The following ICOS variants were observed in gnomAD, a reference collection of about 807,000 sequenced individuals.
The protein encoded by ICOS is inducible T-cell costimulator.
A neutral mutation model predicts 24.6 loss-of-function variants in ICOS; 15 were observed. The ratio of observed to expected loss-of-function variants is 0.61; its 90% CI spans 0.41 to 0.94. The LOEUF (loss-of-function observed/expected upper bound fraction) is 0.94, where lower values mean the gene tolerates loss of function less well. ICOS is among the 40% of genes least tolerant of loss of function. The pLI, the probability that ICOS is intolerant of heterozygous loss-of-function variation, is 0.00. For synonymous variants in ICOS, 89 were observed against 77.5 expected (o/e 1.15, Z -0.78); for missense variants, 200 against 233.0 (o/e 0.86, Z 0.92).
At chr2:203,945,979 A>C (rs1689860619) in intron 1 of ICOS, among the ~76,000 whole-genome samples, 1 of 152,180 alleles carries the variant, frequency 6.6e-6, no homozygotes, top group Admixed American at 6.5e-5. Context: ...CCATGTGCCC[A>C]AGGAGTTTTG....
intron 1 of ICOS, among the ~76,000 whole-genome samples, chr2:203,953,713 A>G (rs1296102196): frequency 6.6e-6 from 1 of 152,228 alleles, no homozygotes; most frequent in East Asian, 1.9e-4. Context: ...CAAATGTCAT[A>G]ATATTTACAT....
At chr2:203,952,276 A>T (rs1455468437) in intron 1 of ICOS, among the ~76,000 whole-genome samples, 1 of 152,200 alleles carries the variant, frequency 6.6e-6, no homozygotes, top group Non-Finnish European at 1.5e-5. Context: ...AGAAATCAAA[A>T]CATGTATACT....
intron 1 of ICOS, among the ~76,000 whole-genome samples, chr2:203,946,464 G>C (rs544628565): frequency 3.4e-5 from 5 of 148,218 alleles, no homozygotes; most frequent in African/African-American, 1.2e-4. Flanking sequence ...ATTTAGGTTA[G>C]ATTGGGTTTA....
chr2:203,937,510 T>C (rs1689676637), intron 1 of ICOS, among the ~76,000 whole-genome samples: 1 of 152,212 alleles, frequency 6.6e-6, no homozygotes, highest in Non-Finnish European at 1.5e-5. Flanking sequence ...AGACTCTATA[T>C]GGACAATTTA....
intron 2 of ICOS, 124 bp from the exon 3 acceptor site, chr2:203,956,535 C>A: frequency 2.7e-6 from 2 of 739,702 alleles, no homozygotes; most frequent in South Asian, 1.5e-5. Context: ...AACTTGCCCA[C>A]TTACTGGATT....
At chr2:203,958,896 A>G (rs2105756265) in intron 4 of ICOS, among the ~76,000 whole-genome samples, 1 of 152,280 alleles carries the variant, frequency 6.6e-6, no homozygotes, top group Non-Finnish European at 1.5e-5. Flanking sequence ...CACAAGCAGA[A>G]CCTGACATAA....
chr2:203,956,517 A>G, intron 2 of ICOS, 142 bp from the exon 3 acceptor site: 1 of 687,146 alleles, frequency 1.5e-6, no homozygotes, highest in Non-Finnish European at 2.7e-6. Flanking sequence ...AGATGATGTT[A>G]GTCTAATAAC....
chr2:203,954,572 G>C (rs1414195826), intron 1 of ICOS, among the ~76,000 whole-genome samples: 4 of 152,036 alleles, frequency 2.6e-5, no homozygotes, highest in Non-Finnish European at 5.9e-5. Flanking sequence ...CTGGGGAACA[G>C]AGTAAACCCT....
At chr2:203,958,131 A>G (rs1690110391) in intron 4 of ICOS, among the ~76,000 whole-genome samples, 1 of 152,210 alleles carries the variant, frequency 6.6e-6, no homozygotes, top group South Asian at 2.1e-4. Context: ...CTCATAAACC[A>G]CCATAGTATC....
At chr2:203,950,930 T>C (rs953968447) in intron 1 of ICOS, among the ~76,000 whole-genome samples, 3 of 152,026 alleles carry the variant, frequency 2.0e-5, no homozygotes, top group Non-Finnish European at 4.4e-5. Flanking sequence ...CATGGTGGCA[T>C]GTGACTGTAG....
At chr2:203,946,086 A>T (rs1425958727) in intron 1 of ICOS, among the ~76,000 whole-genome samples, 2 of 152,176 alleles carry the variant, frequency 1.3e-5, no homozygotes, top group Non-Finnish European at 2.9e-5. Context: ...GGGTTCATTT[A>T]ATCTCATATG....
intron 1 of ICOS, among the ~76,000 whole-genome samples, chr2:203,950,535 AAGCTAT>A (rs939147619): frequency 6.6e-6 from 1 of 152,212 alleles, no homozygotes; most frequent in Non-Finnish European, 1.5e-5. Context: ...ACAAACATTC[AAGCTAT>A]AGCAAGCATA....
At chr2:203,940,791 A>AT (rs555754137) in intron 1 of ICOS, among the ~76,000 whole-genome samples, 155 of 149,412 alleles carry the variant, frequency 1.0e-3, no homozygotes, top group Non-Finnish European at 1.8e-3. Context: ...GTTTCTATTA[A>AT]TTTTTTTTTT....
chr2:203,956,735 A>G lies in ICOS; in HGVS notation c.471A>G (p.Gly157=), dbSNP rs754099136. 1.5e-5 allele frequency: 24 copies of G among 1,612,662 alleles called. No individual in the cohort carries two copies. Among genetic ancestry groups the G allele is most frequent in the Non-Finnish European group, 2.0e-5 (23 of 1,178,938 alleles). The change falls in exon 3 of 5, where the codon GGA becomes GGG. Residue 157 remains glycine (G), a synonymous_variant. Coordinates refer to ENST00000316386, the MANE Select transcript of ICOS (RefSeq NM_012092.4). ...CAAFVVVCIL[G]CILICWLTKK... ...CCTTTGTTGTAGTCTGCATTTTGGGATGCATACTTATTTGTTGGCTTACAA... is the reference window on the plus strand; with the variant it reads ...CCTTTGTTGTAGTCTGCATTTTGGGGTGCATACTTATTTGTTGGCTTACAA...
rs1356602498 is a variant in ICOS, at chr2:203,943,547, C to G, written c.58+6675C>G. ...CTCAGCCATGGATACCAGTGCTGTT[C>G]TGGTGGAGGTGGCGAAGGGTGCAAT... On this transcript the variant is annotated intron_variant, in intron 1 of 4. Transcript: ENST00000316386. Among the ~76,000 whole-genome samples the G allele has an allele frequency of 2.6e-5, 4 of 152,080 alleles. No individual in the cohort carries two copies. The East Asian group carries it at 7.7e-4, about 29-fold the overall frequency.
intron 1 of ICOS, among the ~76,000 whole-genome samples, chr2:203,950,708 A>G (rs1370903082): frequency 6.6e-6 from 1 of 152,220 alleles, no homozygotes; most frequent in Admixed American, 6.5e-5. Flanking sequence ...TGATCACTAC[A>G]TTTCATAATA....
At chr2:203,952,159 C>CAAGA (rs1232148312) in intron 1 of ICOS, among the ~76,000 whole-genome samples, 1 of 152,212 alleles carries the variant, frequency 6.6e-6, no homozygotes, top group African/African-American at 2.4e-5. Context: ...ACCCCTATTT[C>CAAGA]CTTCTGATTC....
intron 4 of ICOS, 109 bp downstream of exon 4, chr2:203,957,992 C>T: frequency 1.5e-6 from 1 of 672,190 alleles, no homozygotes; most frequent in East Asian, 2.8e-5. Context: ...ATCTCCAAGG[C>T]CTAATTCTAG....
rs1165245303 is a variant in ICOS, at chr2:203,960,605, T to G, written c.*1006T>G. The G allele has an allele frequency of 6.6e-6, 1 of 152,238 alleles. No individual in the cohort carries two copies. The highest frequency in any genetic ancestry group is 6.5e-5 in the Admixed American group (1 of 15,280). 9.4% of individuals were successfully genotyped at this position (152,238 alleles called of 1,614,324 possible). ...ATTAAAATTGCAAACAAAATCATCT[T>G]TAATGGGCCAGCATTCTCATGGGGT... On this transcript the variant is annotated 3_prime_UTR_variant, in exon 5 of 5. Transcript: ENST00000316386.
Sources: allele counts gnomAD v4.1 joint callset (sites outside exome capture counted in the v4.1 genomes callset), GRCh38; gene constraint gnomAD v4.1.1; transcripts MANE v1.5; gene names NCBI Gene and HGNC (gene_info 2026-07-23, HGNC 2026-07-21).